Variants in PPP2R2B observed in about 807,000 individuals in gnomAD.
The protein encoded by PPP2R2B is serine/threonine-protein phosphatase 2A 55 kDa regulatory subunit B beta isoform.
Under a neutral mutation model 46.0 loss-of-function variants are expected in PPP2R2B, and 5 were observed. The observed-to-expected ratio is 0.11, with a 90% CI of 0.06 to 0.23. The LOEUF (loss-of-function observed/expected upper bound fraction) is 0.23. Among genes scored for constraint, PPP2R2B ranks in the 10% least tolerant of loss-of-function variants. PPP2R2B has a pLI of 1.00. For missense variants in PPP2R2B, 367 were observed against 575.0 expected, an observed-to-expected ratio of 0.64 and a Z score of 3.70; for synonymous variants, 215 against 206.7, an observed-to-expected ratio of 1.04 and a Z score of -0.34.
At chr5:146,983,676 C>T (rs1298269945) in intron 1 of PPP2R2B, among the ~76,000 whole-genome samples, 1 of 152,118 alleles carries the variant, frequency 6.6e-6, no homozygotes, top group Non-Finnish European at 1.5e-5. Context: ...AAATTTAGAA[C>T]CTCATCAGAC....
intron 2 of PPP2R2B, among the ~76,000 whole-genome samples, chr5:146,733,985 T>C (rs554826604): frequency 4.5e-4 from 69 of 152,234 alleles, no homozygotes; most frequent in Non-Finnish European, 9.0e-4. Flanking sequence ...TTATTGAGCA[T>C]TTCCAGGAAT....
At chr5:146,791,341 C>A (rs1040643919) in intron 2 of PPP2R2B, among the ~76,000 whole-genome samples, 3 of 151,986 alleles carry the variant, frequency 2.0e-5, no homozygotes, top group African/African-American at 7.3e-5. Context: ...AGTGTCGATC[C>A]CCCCTTTTTC....
At chr5:147,072,551 C>T (rs537404667) in intron 2 of PPP2R2B, among the ~76,000 whole-genome samples, 8 of 152,264 alleles carry the variant, frequency 5.3e-5, no homozygotes, top group African/African-American at 1.9e-4. Flanking sequence ...TGTTGTTAAA[C>T]TTTCTGAGTC....
chr5:146,929,604 T>C lies in PPP2R2B; in HGVS notation c.79+126061A>G, dbSNP rs1011496636. Among the ~76,000 whole-genome samples the C allele has an allele frequency of 2.3e-4, 35 of 152,206 alleles. 1 individual carries two copies. Among genetic ancestry groups the C allele is most frequent in the African/African-American group, 7.9e-4 (33 of 41,546 alleles). Reference sequence around the variant, plus strand: ...TGGTCAATCATGGGGTACATTAGCATAGTAAAAGTTATGAGAAGTCCTACA... The same window carrying C: ...TGGTCAATCATGGGGTACATTAGCACAGTAAAAGTTATGAGAAGTCCTACA... On this transcript the variant is annotated intron_variant, in intron 1 of 8. Coordinates refer to the PPP2R2B transcript ENST00000336640.
intron 7 of PPP2R2B, among the ~76,000 whole-genome samples, chr5:146,627,268 A>C (rs1396233332): frequency 6.6e-6 from 1 of 152,258 alleles, no homozygotes; most frequent in Non-Finnish European, 1.5e-5. Context: ...TATACCTCAG[A>C]TCAATACTGA....
chr5:147,016,905 GA>G (rs1377451148), intron 1 of PPP2R2B, among the ~76,000 whole-genome samples: 2 of 151,626 alleles, frequency 1.3e-5, no homozygotes, highest in Admixed American at 1.3e-4. Context: ...AAGTTGGAGA[GA>G]AAGTTGTTGG....
intron 2 of PPP2R2B, among the ~76,000 whole-genome samples, chr5:146,807,815 T>TTTTG (rs1757279563): frequency 7.9e-6 from 1 of 126,772 alleles, no homozygotes; most frequent in Non-Finnish European, 1.6e-5. Flanking sequence ...TTTTTTTTTT[T>TTTTG]GAGAAGACAG....
intron 2 of PPP2R2B, among the ~76,000 whole-genome samples, chr5:146,746,659 A>C (rs543694629): frequency 6.6e-6 from 1 of 152,146 alleles, no homozygotes; most frequent in African/African-American, 2.4e-5. Flanking sequence ...TGCTATCCCC[A>C]TTTCTTCTAA....
intron 2 of PPP2R2B, among the ~76,000 whole-genome samples, chr5:146,869,739 G>A (rs1761505520): frequency 1.3e-5 from 2 of 152,134 alleles, no homozygotes; most frequent in Admixed American, 6.5e-5. Flanking sequence ...ATCCTTTTAA[G>A]TAAGAAAGAA....
At chr5:146,841,576 A>C (rs565954905) in intron 2 of PPP2R2B, among the ~76,000 whole-genome samples, 4 of 152,334 alleles carry the variant, frequency 2.6e-5, no homozygotes, top group Non-Finnish European at 4.4e-5. Context: ...AATGTGGCAC[A>C]TATATACCAT....
chr5:146,940,599 C>A (rs1356406194), intron 1 of PPP2R2B, among the ~76,000 whole-genome samples: 1 of 151,858 alleles, frequency 6.6e-6, no homozygotes, highest in African/African-American at 2.4e-5. Context: ...CCCTTAGAGA[C>A]TGAATGCCAC....
intron 1 of PPP2R2B, among the ~76,000 whole-genome samples, chr5:147,038,128 T>C (rs1409610804): frequency 4.6e-5 from 7 of 152,184 alleles, no homozygotes; most frequent in Admixed American, 2.6e-4. Flanking sequence ...TAGGGGTTTA[T>C]AGAGACATAA....
chr5:146,817,170 T>A (rs113138538), intron 2 of PPP2R2B, among the ~76,000 whole-genome samples: 25 of 152,276 alleles, frequency 1.6e-4, no homozygotes, highest in African/African-American at 5.8e-4. Context: ...AGTGTCAAGA[T>A]CTTTCTTTTC....
chr5:146,851,051 G>A (rs1760318025), intron 2 of PPP2R2B, among the ~76,000 whole-genome samples: 1 of 152,016 alleles, frequency 6.6e-6, no homozygotes, highest in African/African-American at 2.4e-5. Context: ...TAAACATGAG[G>A]TCCTTTTTAT....
At chr5:146,662,368 CTT>C (rs1449344182) in intron 5 of PPP2R2B, among the ~76,000 whole-genome samples, 7 of 152,290 alleles carry the variant, frequency 4.6e-5, no homozygotes, top group African/African-American at 1.7e-4. Flanking sequence ...ACTAGCAACA[CTT>C]TGATTTAGAA....
intron 2 of PPP2R2B, among the ~76,000 whole-genome samples, chr5:146,701,780 G>A (rs1160586227): frequency 1.3e-5 from 2 of 152,132 alleles, no homozygotes; most frequent in African/African-American, 4.8e-5. Context: ...AGAAAACAAG[G>A]TCATAAGGGC....
At chr5:146,892,561 C>T (rs375092323) in intron 1 of PPP2R2B, among the ~76,000 whole-genome samples, 48 of 152,218 alleles carry the variant, frequency 3.2e-4, no homozygotes, top group African/African-American at 1.1e-3. Context: ...ATCATCAGGC[C>T]TTCAGTCTTT....
chr5:146,623,991 G>A (rs769045787), intron 7 of PPP2R2B, among the ~76,000 whole-genome samples: 4 of 152,102 alleles, frequency 2.6e-5, no homozygotes, highest in African/African-American at 7.2e-5. Context: ...TTACACACAC[G>A]AGAGATCCCC....
chr5:146,982,756 G>T (rs1017057379), intron 1 of PPP2R2B, among the ~76,000 whole-genome samples: 1 of 152,056 alleles, frequency 6.6e-6, no homozygotes, highest in Non-Finnish European at 1.5e-5. Context: ...TGTCCTTTTG[G>T]TGTGTTGATT....
Sources: gnomAD v4.1 joint callset for allele counts (sites outside exome capture counted in the v4.1 genomes callset) on GRCh38, gnomAD v4.1.1 for gene constraint, MANE v1.5 for transcripts, NCBI Gene and HGNC (gene_info 2026-07-23, HGNC 2026-07-21) for gene names.